Variants in CCSER1 observed in about 807,000 individuals in gnomAD.
CCSER1 encodes serine-rich coiled-coil domain-containing protein 1.
CCSER1 carries 41 observed loss-of-function variants against 82.0 expected under a neutral mutation model. That is an observed-to-expected ratio of 0.50 (90% confidence interval 0.39 to 0.65). The LOEUF (loss-of-function observed/expected upper bound fraction) is 0.65. CCSER1 is among the 30% of genes least tolerant of loss of function. The pLI, the probability that CCSER1 is intolerant of heterozygous loss-of-function variation, is 0.00. For synonymous variants in CCSER1, 414 were observed against 383.9 expected, an observed-to-expected ratio of 1.08 and a Z score of -0.92; for missense variants, 1,119 against 1,064.2, an observed-to-expected ratio of 1.05 and a Z score of -0.72.
chr4:91,278,282 CCTAA>C (rs1233004537), intron 10 of CCSER1, among the ~76,000 whole-genome samples: 1 of 151,880 alleles, frequency 6.6e-6, no homozygotes, highest in African/African-American at 2.4e-5. Flanking sequence ...CGTTGAAGTC[CCTAA>C]CTATTACTAT....
Position 91,426,506 on chromosome 4 carries a change from T to G in CCSER1, c.2218-172066T>G, listed in dbSNP as rs531640889. Among the ~76,000 whole-genome samples, 8 of 144,314 alleles carry G rather than the reference T, an allele frequency of 5.5e-5. No individual in the cohort carries two copies. The South Asian group carries it at 1.8e-3, about 32-fold the overall frequency. The allele number at this position is 144,314 out of a possible 152,430, so 94.7% of individuals were successfully genotyped here. A position where few individuals can be genotyped will look rare whatever the true frequency, so the allele number is the denominator to read the frequency against. On this transcript the variant is annotated intron_variant, in intron 10 of 10. Coordinates refer to ENST00000509176, the MANE Select transcript of CCSER1 (RefSeq NM_001145065.2). ...TGAACTGATTTACATGACCACGATT[T>G]AAAAAAAAAAAGAAAAGTAGTGGAT...
intron 10 of CCSER1, among the ~76,000 whole-genome samples, chr4:91,597,098 T>C (rs899869235): frequency 5.3e-5 from 8 of 152,010 alleles, no homozygotes; most frequent in Non-Finnish European, 4.4e-5. Context: ...GTGATGAAGT[T>C]TTGAAAAATT....
At chr4:90,745,980 G>A (rs62312985) in intron 7 of CCSER1, among the ~76,000 whole-genome samples, 5 of 151,902 alleles carry the variant, frequency 3.3e-5, no homozygotes, top group African/African-American at 7.3e-5. Flanking sequence ...GGTTACAGGC[G>A]TGAGCCACCA....
chr4:91,187,789 G>C (rs1456065557), intron 10 of CCSER1, among the ~76,000 whole-genome samples: 1 of 152,076 alleles, frequency 6.6e-6, no homozygotes, highest in Admixed American at 6.5e-5. Context: ...CTGACCTCAA[G>C]TGATGCACCC....
chr4:91,462,155 G>A (rs543941019), intron 10 of CCSER1, among the ~76,000 whole-genome samples: 2 of 152,102 alleles, frequency 1.3e-5, no homozygotes, highest in Admixed American at 1.3e-4. Flanking sequence ...CATGAATTCT[G>A]AAGTAACAAA....
chr4:91,592,403 A>C (rs2110342960), intron 10 of CCSER1, among the ~76,000 whole-genome samples: 1 of 152,218 alleles, frequency 6.6e-6, no homozygotes, highest in South Asian at 2.1e-4. Flanking sequence ...GACACAGACA[A>C]ACCATATCAC....
At chr4:91,568,973 G>A (rs749431742) in intron 10 of CCSER1, among the ~76,000 whole-genome samples, 9 of 152,122 alleles carry the variant, frequency 5.9e-5, no homozygotes, top group Non-Finnish European at 8.8e-5. Context: ...TCTGCATGTG[G>A]TTGTTCCTTT....
intron 10 of CCSER1, among the ~76,000 whole-genome samples, chr4:91,356,566 G>C (rs1748846991): frequency 6.6e-6 from 1 of 152,146 alleles, no homozygotes; most frequent in African/African-American, 2.4e-5. Flanking sequence ...TGAAATGCCA[G>C]GGTGAAATGG....
intron 7 of CCSER1, among the ~76,000 whole-genome samples, chr4:90,799,402 A>G (rs886893220): frequency 5.3e-5 from 8 of 152,154 alleles, no homozygotes; most frequent in Non-Finnish European, 8.8e-5. Flanking sequence ...GGGCAGACAC[A>G]CACCAGCCAA....
chr4:90,524,817 C>T (rs943201043), intron 5 of CCSER1, among the ~76,000 whole-genome samples: 2 of 151,976 alleles, frequency 1.3e-5, no homozygotes, highest in Non-Finnish European at 2.9e-5. Context: ...CTCATTTGTC[C>T]TCGCATGCTC....
chr4:91,477,476 C>G (rs1757658200), intron 10 of CCSER1, among the ~76,000 whole-genome samples: 1 of 151,500 alleles, frequency 6.6e-6, no homozygotes. Flanking sequence ...ATTTATAGCT[C>G]CAATTTTTTT....
chr4:90,856,172 G>A (rs995618390), intron 8 of CCSER1, among the ~76,000 whole-genome samples: 2 of 151,964 alleles, frequency 1.3e-5, no homozygotes, highest in African/African-American at 4.8e-5. Context: ...ACAGCTTCTT[G>A]CTGATTGGGC....
intron 10 of CCSER1, among the ~76,000 whole-genome samples, chr4:91,224,712 T>C (rs543709373): frequency 6.6e-6 from 1 of 152,218 alleles, no homozygotes; most frequent in South Asian, 2.1e-4. Context: ...AACATCTCCC[T>C]TTATAAATGT....
intron 5 of CCSER1, among the ~76,000 whole-genome samples, chr4:90,476,229 G>T (rs900934257): frequency 1.3e-5 from 2 of 152,072 alleles, no homozygotes; most frequent in Admixed American, 1.3e-4. Flanking sequence ...CAGCTGCTCC[G>T]CCTTACATAA....
intron 8 of CCSER1, among the ~76,000 whole-genome samples, chr4:90,870,357 G>T (rs1580856323): frequency 6.6e-6 from 1 of 151,798 alleles, no homozygotes; most frequent in African/African-American, 2.4e-5. Flanking sequence ...TTGTATTGAA[G>T]TATGTTTCTT....
At chr4:90,664,201 A>G (rs1433375842) in intron 6 of CCSER1, among the ~76,000 whole-genome samples, 5 of 152,184 alleles carry the variant, frequency 3.3e-5, no homozygotes, top group African/African-American at 1.2e-4. Flanking sequence ...AATGGATAAA[A>G]TGTTTTCTAT....
chr4:90,376,538 A>G (rs1380652896), intron 3 of CCSER1, among the ~76,000 whole-genome samples: 1 of 152,186 alleles, frequency 6.6e-6, no homozygotes, highest in Non-Finnish European at 1.5e-5. Flanking sequence ...TTTTTAAGGT[A>G]GTCCCTGATG....
At chr4:91,117,497 G>T (rs1340204201) in intron 10 of CCSER1, among the ~76,000 whole-genome samples, 1 of 152,186 alleles carries the variant, frequency 6.6e-6, no homozygotes, top group African/African-American at 2.4e-5. Flanking sequence ...CTATGTAAAT[G>T]CTTATTAAGT....
chr4:91,517,670 AT>A (rs1345652659), intron 10 of CCSER1, among the ~76,000 whole-genome samples: 1 of 104,070 alleles, frequency 9.6e-6, no homozygotes, highest in Non-Finnish European at 2.1e-5. Flanking sequence ...AAACTAGTGC[AT>A]TCATTTGGAA....
Sources: allele counts gnomAD v4.1 joint callset (sites outside exome capture counted in the v4.1 genomes callset), GRCh38; gene constraint gnomAD v4.1.1; transcripts MANE v1.5; gene names NCBI Gene and HGNC (gene_info 2026-07-23, HGNC 2026-07-21).